Variants in CDK14 observed in about 807,000 individuals in gnomAD.
CDK14 encodes cyclin dependent kinase 14.
In CDK14, 34 loss-of-function variants were observed where a neutral mutation model predicts 60.7. The observed-to-expected ratio is 0.56, with a 90% CI of 0.43 to 0.75. CDK14 has a LOEUF of 0.75. Among genes scored for constraint, CDK14 ranks in the 30% least tolerant of loss-of-function variants. The pLI is 0.00. For missense variants in CDK14, 482 were observed against 564.1 expected (o/e 0.85, Z 1.47); for synonymous variants, 197 against 203.7 (o/e 0.97, Z 0.28).
intron 8 of CDK14, among the ~76,000 whole-genome samples, chr7:90,936,721 C>T (rs1400449619): frequency 1.3e-5 from 2 of 152,152 alleles, no homozygotes; most frequent in Non-Finnish European, 2.9e-5. Flanking sequence ...ATTAACTGCT[C>T]CCTGATTTAC....
chr7:91,169,198 C>T (rs1412415013), intron 14 of CDK14, among the ~76,000 whole-genome samples: 1 of 152,324 alleles, frequency 6.6e-6, no homozygotes, highest in East Asian at 1.9e-4. Context: ...CGGCGTGATA[C>T]CGCTTTGATA....
chr7:91,125,605 T>G (rs1799917430), intron 14 of CDK14, among the ~76,000 whole-genome samples: 1 of 152,074 alleles, frequency 6.6e-6, no homozygotes, highest in African/African-American at 2.4e-5. Context: ...CAGCAGTCCT[T>G]GAGTTGTGAA....
At chr7:91,025,274 C>G (rs1796540088) in intron 10 of CDK14, among the ~76,000 whole-genome samples, 1 of 152,070 alleles carries the variant, frequency 6.6e-6, no homozygotes, top group Admixed American at 6.5e-5. Flanking sequence ...TTCTGACCTC[C>G]TAAGTCTAAA....
At chr7:91,077,220 A>G (rs1485186856) in intron 11 of CDK14, among the ~76,000 whole-genome samples, 4 of 152,260 alleles carry the variant, frequency 2.6e-5, no homozygotes, top group Admixed American at 2.6e-4. Context: ...AGCACTATTT[A>G]CAATAGCAAA....
chr7:90,885,472 G>A (rs1260336443), intron 6 of CDK14, among the ~76,000 whole-genome samples: 1 of 152,120 alleles, frequency 6.6e-6, no homozygotes. Flanking sequence ...TTTACTTGTT[G>A]GTGGGATTGT....
chr7:90,899,475 A>T lies in CDK14; in HGVS notation c.702+122A>T, dbSNP rs906072924. ...TAAATTTTTTGTGTAAAGAGAAGGG[A>T]TATTGAGGTGAACCAGTCATTGCTT... On this transcript the variant is annotated intron_variant, in intron 7 of 14. Coordinates refer to ENST00000380050, the MANE Select transcript of CDK14 (RefSeq NM_001287135.2). 1.0e-5 allele frequency: 6 copies of T among 583,892 alleles called. 1 individual carries two copies. The South Asian group carries it at 2.1e-4, about 21-fold the overall frequency. 36.2% of individuals were successfully genotyped at this position (583,892 alleles called of 1,614,324 possible). A position where few individuals can be genotyped will look rare whatever the true frequency, so the allele number is the denominator to read the frequency against.
At chr7:91,019,533 C>T (rs1426781617) in intron 10 of CDK14, among the ~76,000 whole-genome samples, 1 of 152,096 alleles carries the variant, frequency 6.6e-6, no homozygotes, top group African/African-American at 2.4e-5. Context: ...TCTATATTGA[C>T]TTGGGCTTTC....
chr7:90,665,970 T>G (rs1039962459), intron 2 of CDK14, among the ~76,000 whole-genome samples: 1 of 152,222 alleles, frequency 6.6e-6, no homozygotes, highest in African/African-American at 2.4e-5. Context: ...CATAGCACTC[T>G]GTTTAGTCCT....
chr7:90,638,601 T>C (rs1160496662), intron 2 of CDK14, among the ~76,000 whole-genome samples: 2 of 152,198 alleles, frequency 1.3e-5, no homozygotes, highest in Non-Finnish European at 2.9e-5. Flanking sequence ...ATCTGACAAT[T>C]ATGTGTCTTG....
chr7:91,164,572 T>A (rs1801283935), intron 14 of CDK14, among the ~76,000 whole-genome samples: 1 of 152,178 alleles, frequency 6.6e-6, no homozygotes, highest in Non-Finnish European at 1.5e-5. Flanking sequence ...TCAAGCTTTG[T>A]GATTTCCTAG....
intron 7 of CDK14, among the ~76,000 whole-genome samples, chr7:90,910,607 T>C (rs1758324847): frequency 1.3e-5 from 2 of 152,204 alleles, no homozygotes; most frequent in Non-Finnish European, 2.9e-5. Flanking sequence ...TTTTGTAGCT[T>C]TAGGTTCACA....
chr7:91,162,644 C>A (rs705361), intron 14 of CDK14, among the ~76,000 whole-genome samples: 144,356 of 152,286 alleles, frequency 0.95, 68,457 homozygotes, highest in East Asian at 1. Context: ...TCTGTAACTT[C>A]GGGAAGTCAC....
intron 5 of CDK14, among the ~76,000 whole-genome samples, chr7:90,857,531 A>G (rs1476524720): frequency 6.6e-6 from 1 of 152,240 alleles, no homozygotes; most frequent in Admixed American, 6.5e-5. Context: ...TCACTGGTGA[A>G]ATAAATTTAA....
chr7:91,080,810 G>T (rs1040414444), intron 12 of CDK14, among the ~76,000 whole-genome samples: 5 of 152,144 alleles, frequency 3.3e-5, no homozygotes, highest in Non-Finnish European at 2.9e-5. Flanking sequence ...AGGAAAATCT[G>T]AAACTATCAT....
chr7:90,643,670 G>C (rs919797998), intron 2 of CDK14, among the ~76,000 whole-genome samples: 3 of 152,074 alleles, frequency 2.0e-5, no homozygotes. Context: ...ACGTTAACTT[G>C]ATGGCTGAGT....
intron 14 of CDK14, among the ~76,000 whole-genome samples, chr7:91,204,389 C>G (rs1260772353): frequency 2.6e-5 from 4 of 150,956 alleles, no homozygotes. Context: ...AGATATAACA[C>G]CAAAAATATA....
intron 5 of CDK14, among the ~76,000 whole-genome samples, chr7:90,854,359 A>G (rs569467310): frequency 2.0e-4 from 30 of 152,146 alleles, no homozygotes; most frequent in African/African-American, 6.3e-4. Context: ...ACAAATAACT[A>G]GAAACAAACA....
At chr7:90,632,802 T>C (rs1307379351) in intron 2 of CDK14, among the ~76,000 whole-genome samples, 1 of 152,196 alleles carries the variant, frequency 6.6e-6, no homozygotes, top group Non-Finnish European at 1.5e-5. Flanking sequence ...AAAATTTGTC[T>C]TACAGGCTGG....
chr7:90,693,095 T>G (rs1422206807), intron 2 of CDK14, among the ~76,000 whole-genome samples: 1 of 152,218 alleles, frequency 6.6e-6, no homozygotes, highest in South Asian at 2.1e-4. Context: ...TTTTTCATAC[T>G]GTTATAGGAA....
Sources: allele counts gnomAD v4.1 joint callset (sites outside exome capture counted in the v4.1 genomes callset), GRCh38; gene constraint gnomAD v4.1.1; transcripts MANE v1.5; gene names NCBI Gene and HGNC (gene_info 2026-07-23, HGNC 2026-07-21).